Variants in SLC25A36 observed in about 807,000 individuals in gnomAD.
The protein encoded by SLC25A36 is epididymis secretory sperm binding protein.
Under a neutral mutation model 35.3 loss-of-function variants are expected in SLC25A36, and 24 were observed. The ratio of observed to expected loss-of-function variants is 0.68; its 90% CI spans 0.49 to 0.96. The LOEUF is 0.96. Among genes scored for constraint, SLC25A36 ranks in the 40% least tolerant of loss-of-function variants. The pLI, the probability that SLC25A36 is intolerant of heterozygous loss-of-function variation, is 0.00. For synonymous variants in SLC25A36, 141 were observed against 132.2 expected (o/e 1.07, Z -0.46); for missense variants, 294 against 381.1 (o/e 0.77, Z 1.90).
At chr3:140,968,280 T>C in intron 4 of SLC25A36, 1 of 819,682 alleles carries the variant, frequency 1.2e-6, no homozygotes, top group Non-Finnish European at 1.5e-6. Context: ...AAAGGGCTAA[T>C]AGCTAAAACT....
chr3:140,945,761 T>C (rs1934147442), intron 1 of SLC25A36, among the ~76,000 whole-genome samples: 1 of 146,756 alleles, frequency 6.8e-6, no homozygotes, highest in Non-Finnish European at 1.5e-5. Context: ...AAAAAGCCAG[T>C]TTAACCTAAG....
chr3:140,967,220 C>T (rs997421540), intron 4 of SLC25A36, among the ~76,000 whole-genome samples: 2 of 151,814 alleles, frequency 1.3e-5, no homozygotes, highest in Non-Finnish European at 2.9e-5. Flanking sequence ...ATTTTTCAGT[C>T]ATCATGTAAT....
At chr3:140,951,926 C>T (rs1934337140) in intron 1 of SLC25A36, among the ~76,000 whole-genome samples, 1 of 152,074 alleles carries the variant, frequency 6.6e-6, no homozygotes, top group African/African-American at 2.4e-5. Context: ...CTTGACCTCC[C>T]AGGTTTAAGT....
At chr3:140,975,097 C>CTTTTTTTTTTTT (rs10662120) in intron 6 of SLC25A36, among the ~76,000 whole-genome samples, 715 of 55,174 alleles carry the variant, frequency 0.013, 234 homozygotes, top group Non-Finnish European at 0.019. Flanking sequence ...AAGATACATT[C>CTTTTTTTTTTTT]TTTTTTTTTT....
In SLC25A36 at chr3:140,950,592, T is replaced by C. The variant is rs536300712; in HGVS notation, c.42-5935T>C. Among the ~76,000 whole-genome samples the C allele has an allele frequency of 5.3e-5, 8 of 152,336 alleles. No homozygotes were observed. The East Asian group carries it at 1.5e-3, about 29-fold the overall frequency. Reference sequence around the variant, plus strand: ...AGCTATGTAAGAAAAGGGTATACAGTAGGCAATTTCTTGAATACTTCTTTG... The same window carrying C: ...AGCTATGTAAGAAAAGGGTATACAGCAGGCAATTTCTTGAATACTTCTTTG... On this transcript the variant is annotated intron_variant, in intron 1 of 6. Coordinates refer to ENST00000324194, the MANE Select transcript of SLC25A36 (RefSeq NM_001104647.3).
intron 3 of SLC25A36, among the ~76,000 whole-genome samples, chr3:140,961,278 T>C (rs1049836134): frequency 7.2e-5 from 11 of 152,240 alleles, no homozygotes; most frequent in African/African-American, 1.9e-4. Flanking sequence ...GTATACTTTA[T>C]TGTGCTTTAC....
intron 5 of SLC25A36, among the ~76,000 whole-genome samples, chr3:140,971,611 C>G (rs996676052): frequency 1.3e-5 from 2 of 152,114 alleles, no homozygotes; most frequent in African/African-American, 4.8e-5. Flanking sequence ...GCTGAGGAAC[C>G]AATCGGTGCA....
At chr3:140,973,414 T>C (rs1934956644) in intron 5 of SLC25A36, among the ~76,000 whole-genome samples, 1 of 152,272 alleles carries the variant, frequency 6.6e-6, no homozygotes, top group South Asian at 2.1e-4. Context: ...GCAGTCAGGG[T>C]GTATAGTTCC....
chr3:140,947,852 A>G (rs1934208244), intron 1 of SLC25A36, among the ~76,000 whole-genome samples: 1 of 152,260 alleles, frequency 6.6e-6, no homozygotes, highest in Non-Finnish European at 1.5e-5. Flanking sequence ...CTAAAGCTTC[A>G]GAGAAAATAG....
At chr3:140,966,109 G>A (rs572931169) in intron 4 of SLC25A36, 46 of 152,298 alleles carry the variant, frequency 3.0e-4, no homozygotes, top group African/African-American at 9.7e-4. Flanking sequence ...TCCTACATAC[G>A]TAGTGGGTTT....
At chr3:140,963,544 T>C in intron 4 of SLC25A36, 1 of 171,340 alleles carries the variant, frequency 5.8e-6, no homozygotes. Flanking sequence ...GTTATGGAGC[T>C]GTAATTTACT....
intron 1 of SLC25A36, among the ~76,000 whole-genome samples, chr3:140,947,849 T>G (rs1433367714): frequency 1.3e-5 from 2 of 152,230 alleles, no homozygotes; most frequent in Non-Finnish European, 2.9e-5. Context: ...ACACTAAAGC[T>G]TCAGAGAAAA....
intron 5 of SLC25A36, 88 bp from the exon 6 acceptor site, chr3:140,973,628 C>T: frequency 5.3e-6 from 5 of 947,572 alleles, no homozygotes; most frequent in Middle Eastern, 3.8e-4. Flanking sequence ...TAAAGAAGGC[C>T]ATTCTTTTAT....
intron 2 of SLC25A36, among the ~76,000 whole-genome samples, chr3:140,958,913 A>G (rs1307427251): frequency 2.0e-5 from 3 of 150,322 alleles, no homozygotes; most frequent in African/African-American, 2.5e-5. Context: ...TAGTAAATCT[A>G]TTATCAGTCT....
intron 1 of SLC25A36, among the ~76,000 whole-genome samples, chr3:140,954,829 T>C (rs1325637061): frequency 6.6e-6 from 1 of 152,190 alleles, no homozygotes; most frequent in East Asian, 1.9e-4. Context: ...AGTAGAAGTT[T>C]TTAGTTTTGA....
Position 140,976,659 on chromosome 3 carries a change from C to T in SLC25A36, c.*206C>T. The T allele has an allele frequency of 5.3e-6, 2 of 377,510 alleles. No homozygotes were observed. The highest frequency in any genetic ancestry group is 4.7e-6 in the Non-Finnish European group (1 of 214,542). The allele number at this position is 377,510 out of a possible 1,614,324, so 23.4% of individuals were successfully genotyped here. On this transcript the variant is annotated 3_prime_UTR_variant, in exon 7 of 7. Transcript: ENST00000324194. ...GTGAAAAAAAAAAAAAACCTCAGAG[C>T]CTCCAAGGAAATGCCTTTAGAAGCA... is the stretch of plus-strand genomic sequence containing the variant.
chr3:140,975,846 A>G (rs992680996), intron 6 of SLC25A36, among the ~76,000 whole-genome samples: 3 of 152,098 alleles, frequency 2.0e-5, no homozygotes, highest in South Asian at 2.1e-4. Flanking sequence ...TAATAATGCT[A>G]TTGTTTCTTT....
intron 5 of SLC25A36, chr3:140,972,886 A>G (rs1934942150): frequency 6.6e-6 from 1 of 152,200 alleles, no homozygotes; most frequent in Admixed American, 6.5e-5. Flanking sequence ...ATAATTTATA[A>G]ATAGGTAAAT....
At chr3:140,968,211 G>T in intron 4 of SLC25A36, 1 of 952,244 alleles carries the variant, frequency 1.1e-6, no homozygotes, top group Non-Finnish European at 1.3e-6. Flanking sequence ...GTTTGTTAAA[G>T]TGTCTTTGGT....
Sources: gnomAD v4.1 joint callset for allele counts (sites outside exome capture counted in the v4.1 genomes callset) on GRCh38, gnomAD v4.1.1 for gene constraint, MANE v1.5 for transcripts, NCBI Gene and HGNC (gene_info 2026-07-23, HGNC 2026-07-21) for gene names.